The following DAAM1 variants were observed in gnomAD, a reference collection of about 807,000 sequenced individuals.
DAAM1 encodes the protein disheveled-associated activator of morphogenesis 1.
In DAAM1, 52 loss-of-function variants were observed where a neutral mutation model predicts 130.0. The ratio of observed to expected loss-of-function variants is 0.40; its 90% confidence interval spans 0.32 to 0.50. DAAM1 has a LOEUF of 0.50. DAAM1 is among the 20% of genes least tolerant of loss of function. DAAM1 has a pLI of 0.61. For synonymous variants in DAAM1, 452 were observed against 444.5 expected, an observed-to-expected ratio of 1.02 and a Z score of -0.21; for missense variants, 1,134 against 1,303.8, an observed-to-expected ratio of 0.87 and a Z score of 2.01.
intron 12 of DAAM1, among the ~76,000 whole-genome samples, chr14:59,327,849 A>G (rs1885272106): frequency 6.6e-6 from 1 of 152,204 alleles, no homozygotes; most frequent in Admixed American, 6.5e-5. Context: ...GTGTATTTGA[A>G]TATGTCTTTG....
At chr14:59,258,133 G>C (rs1476598638) in intron 1 of DAAM1, among the ~76,000 whole-genome samples, 4 of 152,050 alleles carry the variant, frequency 2.6e-5, no homozygotes, top group Non-Finnish European at 5.9e-5. Flanking sequence ...TCTTCCCTTA[G>C]TGCCCAGCAC....
At position 59,355,296 on chromosome 14, in the gene DAAM1, C is replaced by G. The variant is rs1250589398; in HGVS notation, c.2488C>G (p.Leu830Val). 6.2e-7 allele frequency: 1 copy of G among 1,613,920 alleles called. No individual in the cohort carries two copies. The highest frequency in any genetic ancestry group is 1.6e-4 in the Middle Eastern group (1 of 6,062). The change falls in exon 20 of 25, where the codon CTA (leucine) becomes GTA (valine). Residue 830 changes from leucine (L) to valine (V), a missense_variant. Physicochemically the swap from Leu to Val is conservative, Grantham distance 32. This residue lies in a region of DAAM1 where 644 missense variants were observed against 695.9 expected (regional missense o/e 0.93). Coordinates refer to ENST00000360909, the MANE Select transcript of DAAM1 (RefSeq NM_001270520.2). Reference sequence around the variant, plus strand: ...TGCATATGGATTCAAGATATCTAGCCTAAACAAAATTGCTGACACAAAATC... The same window carrying G: ...TGCATATGGATTCAAGATATCTAGCGTAAACAAAATTGCTGACACAAAATC... ...GNAYGFKISS[L>V]NKIADTKSSI...
intron 1 of DAAM1, 44 bp from the exon 2 acceptor site, chr14:59,263,397 A>T (rs1193748367): frequency 6.5e-7 from 1 of 1,544,768 alleles, no homozygotes; most frequent in Non-Finnish European, 8.9e-7. Flanking sequence ...AAATCATTTT[A>T]TCTGTTCCTG....
At chr14:59,334,622 A>G (rs1325391466) in intron 15 of DAAM1, among the ~76,000 whole-genome samples, 2 of 152,174 alleles carry the variant, frequency 1.3e-5, no homozygotes, top group Non-Finnish European at 2.9e-5. Flanking sequence ...AAATCTCAGT[A>G]GTGTCGGATT....
At position 59,369,753 on chromosome 14, in the gene DAAM1, T is replaced by TAAAAAAAA. The variant is rs72238797; in HGVS notation, c.*911_*918dup. 15 of 95,608 alleles carry TAAAAAAAA rather than the reference T, an allele frequency of 1.6e-4. No homozygotes were observed. The highest frequency in any genetic ancestry group is 5.4e-4 in the African/African-American group (13 of 23,892). 5.9% of individuals were successfully genotyped at this position (95,608 alleles called of 1,614,324 possible). A position where few individuals can be genotyped will look rare whatever the true frequency, so the allele number is the denominator to read the frequency against. ...AATTCTCTGAAGGGATAAAGATTACTAAAAAAAAAAAAAAAAAAAAAAAAT... is the reference window on the plus strand; with the variant it reads ...AATTCTCTGAAGGGATAAAGATTACTAAAAAAAAAAAAAAAAAAAAAAAAAAAAAAAAT... On this transcript the variant is annotated 3_prime_UTR_variant, in exon 25 of 25. Coordinates refer to ENST00000360909, the MANE Select transcript of DAAM1 (RefSeq NM_001270520.2).
At chr14:59,194,416 A>G (rs1057250945) in intron 1 of DAAM1, among the ~76,000 whole-genome samples, 4 of 152,248 alleles carry the variant, frequency 2.6e-5, no homozygotes, top group African/African-American at 9.6e-5. Context: ...AATTATTTGA[A>G]AAAGGAAATG....
chr14:59,319,131 G>A (rs1193190873), intron 4 of DAAM1, among the ~76,000 whole-genome samples: 1 of 152,152 alleles, frequency 6.6e-6, no homozygotes, highest in Non-Finnish European at 1.5e-5. Context: ...GTCTCAGGGA[G>A]CTTTGGGAGA....
intron 18 of DAAM1, among the ~76,000 whole-genome samples, chr14:59,353,267 A>G (rs185010551): frequency 6.6e-6 from 1 of 152,348 alleles, no homozygotes; most frequent in East Asian, 1.9e-4. Flanking sequence ...TTAGAGAAGG[A>G]CCAGTGGTCC....
At chr14:59,229,088 T>G (rs955611329) in intron 1 of DAAM1, among the ~76,000 whole-genome samples, 4 of 152,238 alleles carry the variant, frequency 2.6e-5, no homozygotes, top group African/African-American at 9.6e-5. Flanking sequence ...TTTAATGGGC[T>G]GATTTTGAAG....
chr14:59,351,550 ACT>A (rs1437439123), intron 17 of DAAM1, among the ~76,000 whole-genome samples: 1 of 151,876 alleles, frequency 6.6e-6, no homozygotes, highest in East Asian at 1.9e-4. Context: ...CATAGTATAC[ACT>A]CTGCCTGGAA....
Position 59,355,232 on chromosome 14 carries a change from G to A in DAAM1, c.2424G>A (p.Leu808=). 6.2e-7 allele frequency: 1 copy of A among 1,614,088 alleles called. No individual in the cohort carries two copies. The highest frequency in any genetic ancestry group is 1.7e-5 in the Admixed American group (1 of 60,010). ...TCAAGCAGTTGCTGGAGGTGGTTTT[G>A]GCATTTGGAAATTATATGAATAAAG... The part of the protein sequence containing the change: ...GALKQLLEVV[L]AFGNYMNKGQ... The change falls in exon 20 of 25, where the codon TTG becomes TTA. Residue 808 remains leucine, a synonymous_variant. Coordinates refer to ENST00000360909, the MANE Select transcript of DAAM1 (RefSeq NM_001270520.2).
intron 3 of DAAM1, among the ~76,000 whole-genome samples, chr14:59,293,324 A>T (rs763174060): frequency 2.6e-5 from 4 of 152,214 alleles, no homozygotes; most frequent in Non-Finnish European, 5.9e-5. Flanking sequence ...TAGAAAAGGC[A>T]AACCCTGGAG....
chr14:59,304,812 C>CT (rs371640312), intron 3 of DAAM1, among the ~76,000 whole-genome samples: 5 of 152,172 alleles, frequency 3.3e-5, no homozygotes, highest in Non-Finnish European at 5.9e-5. Flanking sequence ...TGCATTAGCA[C>CT]TTTTTTCTCA....
chr14:59,314,291 A>G (rs981150261), intron 3 of DAAM1, among the ~76,000 whole-genome samples: 3 of 152,188 alleles, frequency 2.0e-5, no homozygotes, highest in Non-Finnish European at 4.4e-5. Context: ...CTAGGGTGGG[A>G]TATCCATTGT....
At chr14:59,356,905 C>G (rs183353754) in intron 20 of DAAM1, among the ~76,000 whole-genome samples, 2 of 152,344 alleles carry the variant, frequency 1.3e-5, no homozygotes, top group African/African-American at 4.8e-5. Flanking sequence ...CCAAATGCAG[C>G]GCCCACACCT....
At chr14:59,350,024 CCT>C (rs752161436) in intron 17 of DAAM1, among the ~76,000 whole-genome samples, 4 of 152,132 alleles carry the variant, frequency 2.6e-5, no homozygotes, top group South Asian at 2.1e-4. Context: ...GTGATGCTTT[CCT>C]CTCTCTTTTT....
Position 59,352,554 on chromosome 14 carries a change from A to G in DAAM1, c.2189A>G (p.Asp730Gly). The stretch of plus-strand genomic sequence containing the variant: ...TTGAAATTTGTTCCTGAAAAAAGTG[A>G]CATTGACCTATTGGAGGAACATAAA... Reference protein sequence around the residue: ...QLLKFVPEKSDIDLLEEHKHE... With the variant: ...QLLKFVPEKSGIDLLEEHKHE... The change falls in exon 18 of 25, where the codon GAC becomes GGC. Residue 730 changes from aspartate to glycine, a missense_variant. Around this residue, in one of 3 missense-constraint regions of DAAM1, gnomAD observed 644 missense variants for 695.9 expected, o/e 0.93. Transcript: ENST00000360909. 6.2e-7 allele frequency: 1 copy of G among 1,613,526 alleles called. No individual in the cohort carries two copies. The highest frequency in any genetic ancestry group is 8.5e-7 in the Non-Finnish European group (1 of 1,179,766).
chr14:59,232,726 A>G (rs1051633122), intron 1 of DAAM1, among the ~76,000 whole-genome samples: 6 of 151,008 alleles, frequency 4.0e-5, no homozygotes, highest in Admixed American at 6.6e-5. Flanking sequence ...TGCTGCACCT[A>G]TCAACCTGTC....
chr14:59,368,909 T>G lies in DAAM1; in HGVS notation c.*50T>G. On this transcript the variant is annotated 3_prime_UTR_variant, in exon 25 of 25. Transcript: ENST00000360909. ...AAAGCTCATTAGCAGCCCTCTAAAG[T>G]GACTAGAACGTTTCATTACACTGCC... The G allele has an allele frequency of 1.3e-6, 2 of 1,548,878 alleles. No individual in the cohort carries two copies. Among genetic ancestry groups the G allele is most frequent in the Non-Finnish European group, 1.8e-6 (2 of 1,138,748 alleles).
Sources: allele counts gnomAD v4.1 joint callset (sites outside exome capture counted in the v4.1 genomes callset), GRCh38; gene constraint gnomAD v4.1.1; regional missense constraint gnomAD v4.1.1; transcripts MANE v1.5; gene names NCBI Gene and HGNC (gene_info 2026-07-23, HGNC 2026-07-21).